Variants in SIDT2 observed in about 807,000 individuals in gnomAD.
SIDT2 encodes SID1 transmembrane family, member 2.
A neutral mutation model predicts 114.4 loss-of-function variants in SIDT2; 68 were observed. That is an observed-to-expected ratio of 0.59 (90% CI 0.49 to 0.73). The LOEUF is 0.73. Among genes scored for constraint, SIDT2 ranks in the 30% least tolerant of loss-of-function variants. The pLI, the probability that SIDT2 is intolerant of heterozygous loss-of-function variation, is 0.00. For missense variants in SIDT2, 918 were observed against 1,097.1 expected, an observed-to-expected ratio of 0.84 and a Z score of 2.31; for synonymous variants, 470 against 438.4, an observed-to-expected ratio of 1.07 and a Z score of -0.90.
At chr11:117,187,000 TGGTAAGCTCCA>T in intron 10 of SIDT2, 2 of 1,445,610 alleles carry the variant, frequency 1.4e-6, no homozygotes, top group Non-Finnish European at 1.8e-6. Flanking sequence ...CTTCTCTCCT[TGGTAAGCTCCA>T]GGTGCTGTGG....
chr11:117,188,216 AG>A lies in SIDT2; in HGVS notation c.1160-489del, dbSNP rs746123783. The A allele has an allele frequency of 3.7e-5, 13 of 348,786 alleles. No individual in the cohort carries two copies. Among genetic ancestry groups the A allele is most frequent in the Admixed American group, 8.0e-5 (2 of 24,992 alleles). 21.6% of individuals were successfully genotyped at this position (348,786 alleles called of 1,614,324 possible). A position where few individuals can be genotyped will look rare whatever the true frequency, so the allele number is the denominator to read the frequency against. On this transcript the variant is annotated intron_variant, in intron 12 of 25. Coordinates refer to ENST00000324225, the MANE Select transcript of SIDT2 (RefSeq NM_001040455.2). The surrounding 1 kb of genome is among the most constrained non-coding windows in gnomAD (Gnocchi z 4.0). ...CCCTCACTCCCTGGCCTGCTTGGGG[AG>A]GGCTCACAGGCATGGGGGTCACATT... is the stretch of plus-strand genomic sequence containing the variant.
In SIDT2 at chr11:117,181,800, G is replaced by T; in HGVS notation, c.306-7G>T. On this transcript the variant is annotated splice_region_variant and splice_polypyrimidine_tract_variant and intron_variant, in intron 2 of 25. Coordinates refer to ENST00000324225, the MANE Select transcript of SIDT2 (RefSeq NM_001040455.2). ...CTCACATCCTATCTCCCTGCTTCGG[G>T]CCATAGGTTTCAGCGCAAGTACCTC... 1 of 1,614,148 alleles carries T rather than the reference G, an allele frequency of 6.2e-7. No homozygotes were observed. Among genetic ancestry groups the T allele is most frequent in the Non-Finnish European group, 8.5e-7 (1 of 1,180,014 alleles).
intron 24 of SIDT2, among the ~76,000 whole-genome samples, chr11:117,195,182 G>T (rs1364127767): frequency 6.6e-6 from 1 of 150,474 alleles, no homozygotes; most frequent in African/African-American, 2.4e-5. Flanking sequence ...TACAGGGGCA[G>T]ATTTGGAGGT....
At chr11:117,183,758 T>C (rs781349344) in intron 6 of SIDT2, 21 bp from the exon 7 acceptor site, 13 of 1,520,324 alleles carry the variant, frequency 8.6e-6, no homozygotes, top group East Asian at 4.5e-5. Flanking sequence ...GAAGAAGATA[T>C]TTATCATCAT....
In SIDT2 at chr11:117,192,173, G is replaced by A. The variant is rs1392142077; in HGVS notation, c.1873-81G>A. Reference sequence around the variant, plus strand: ...CCTCTCAGAGTCCCAGCCTGGCTGAGCAGCCAGCCCCAGGAAGGGTGGGCC... The same window carrying A: ...CCTCTCAGAGTCCCAGCCTGGCTGAACAGCCAGCCCCAGGAAGGGTGGGCC... On this transcript the variant is annotated intron_variant, in intron 19 of 25. Transcript: ENST00000324225. The surrounding 1 kb of genome is among the most constrained non-coding windows in gnomAD (Gnocchi z 5.9). 2.0e-6 allele frequency: 3 copies of A among 1,491,260 alleles called. No individual in the cohort carries two copies. Among genetic ancestry groups the A allele is most frequent in the Non-Finnish European group, 2.8e-6 (3 of 1,074,726 alleles). The allele number at this position is 1,491,260 out of a possible 1,614,324, so 92.4% of individuals were successfully genotyped here. A position where few individuals can be genotyped will look rare whatever the true frequency, so the allele number is the denominator to read the frequency against.
At position 117,191,076 on chromosome 11, in the gene SIDT2, G is replaced by A. The variant is rs576257084; in HGVS notation, c.1735+336G>A. 32 of 179,116 alleles carry A rather than the reference G, an allele frequency of 1.8e-4. 1 individual carries two copies. Among genetic ancestry groups the A allele is most frequent in the Admixed American group, 1.7e-3 (29 of 17,028 alleles). The allele number at this position is 179,116 out of a possible 1,614,324, so 11.1% of individuals were successfully genotyped here. ...ATGGATCACGAGGTCAGGAGCTCCA[G>A]ACCATCCTGGCTAACATGGTGAAAC... On this transcript the variant is annotated intron_variant, in intron 18 of 25. Transcript: ENST00000324225.
At position 117,196,262 on chromosome 11, in the gene SIDT2, C is replaced by T. The variant is rs1179420992; in HGVS notation, c.*196C>T. On this transcript the variant is annotated 3_prime_UTR_variant, in exon 26 of 26. Transcript: ENST00000324225. The surrounding 1 kb of genome is among the most constrained non-coding windows in gnomAD (Gnocchi z 4.9). ...ATGGAACCTTGCAGCTGCCCTCTGC[C>T]GAGGAGCAGGCCTGCTCCCCTGGAA... 28 of 693,784 alleles carry T rather than the reference C, an allele frequency of 4.0e-5. No individual in the cohort carries two copies. Among genetic ancestry groups the T allele is most frequent in the South Asian group, 3.6e-4 (19 of 53,082 alleles). 43.0% of individuals were successfully genotyped at this position (693,784 alleles called of 1,614,324 possible). A position where few individuals can be genotyped will look rare whatever the true frequency, so the allele number is the denominator to read the frequency against.
intron 23 of SIDT2, 147 bp downstream of exon 23, chr11:117,193,405 C>A: frequency 1.4e-6 from 1 of 731,468 alleles, no homozygotes. Context: ...CTTGCATGGG[C>A]CCCTGGGAGC....
chr11:117,186,336 G>A (rs1473380387), intron 9 of SIDT2, 113 bp downstream of exon 9: 2 of 955,012 alleles, frequency 2.1e-6, no homozygotes, highest in Non-Finnish European at 3.3e-6. Flanking sequence ...ATCCATAGCA[G>A]ATGATGGTGG....
chr11:117,189,464 C>A, intron 15 of SIDT2, 63 bp downstream of exon 15: 1 of 1,551,968 alleles, frequency 6.4e-7, no homozygotes, highest in African/African-American at 1.4e-5. Flanking sequence ...AGTGCAGAGC[C>A]TCCCAGCCTG....
intron 8 of SIDT2, 173 bp from the exon 9 acceptor site, chr11:117,185,957 T>C (rs1330495663): frequency 1.4e-5 from 8 of 552,098 alleles, no homozygotes; most frequent in Non-Finnish European, 2.6e-5. Context: ...TGTCAGAGTT[T>C]GGTGTATTAG....
Position 117,182,081 on chromosome 11 carries a change from C to A in SIDT2, c.492C>A (p.Phe164Leu). 3 of 1,614,088 alleles carry A rather than the reference C, an allele frequency of 1.9e-6. No homozygotes were observed. The highest frequency in any genetic ancestry group is 1.7e-6 in the Non-Finnish European group (2 of 1,180,032). ...GCAGGACTGGGGAGCAGTTCAGCTT[C>A]AATACCACAGCAGCACAGCCCCAGG... ...FVLRTGEQFS[F>L]NTTAAQPQYF... Residue 164 changes from phenylalanine (F) to leucine (L), a missense_variant, in exon 4 of 26, where the codon TTC becomes TTA. Transcript: ENST00000324225.
chr11:117,190,564 CCCTTCTTCCCTTCCTGCCTCACTT>C lies in SIDT2; in HGVS notation c.1618-55_1618-32del. The C allele has an allele frequency of 7.2e-7, 1 of 1,396,374 alleles. No homozygotes were observed. 86.5% of individuals were successfully genotyped at this position (1,396,374 alleles called of 1,614,324 possible). A position where few individuals can be genotyped will look rare whatever the true frequency, so the allele number is the denominator to read the frequency against. On this transcript the variant is annotated intron_variant, in intron 17 of 25. Coordinates refer to ENST00000324225, the MANE Select transcript of SIDT2 (RefSeq NM_001040455.2). This position sits in a 1 kb window ranked among gnomAD's most constrained non-coding sequence, Gnocchi z 4.1. ...TCCTCTTAGGGTCCCTCTTTTGGGT[CCCTTCTTCCCTTCCTGCCTCACTT>C]CCTCCCTCCCTTCCCTTCTCTCTCT...
intron 2 of SIDT2, 74 bp downstream of exon 2, chr11:117,181,611 C>T: frequency 2.5e-6 from 4 of 1,603,324 alleles, no homozygotes; most frequent in African/African-American, 1.3e-5. Context: ...ACCAGGAGCC[C>T]CCCCATTTCT....
chr11:117,194,076 C>T lies in SIDT2; in HGVS notation c.2322+113C>T. On this transcript the variant is annotated intron_variant, in intron 24 of 25. Transcript: ENST00000324225. Reference sequence around the variant, plus strand: ...ATCCCAGCACTTTGGGAAGCTGAGGCAGGAGGATCACTTGAGGCGTTCAAG... The same window carrying T: ...ATCCCAGCACTTTGGGAAGCTGAGGTAGGAGGATCACTTGAGGCGTTCAAG... 8 of 796,526 alleles carry T rather than the reference C, an allele frequency of 1.0e-5. No homozygotes were observed. In the South Asian group the frequency reaches 1.3e-4, roughly 13 times the overall value. The allele number at this position is 796,526 out of a possible 1,614,324, so 49.3% of individuals were successfully genotyped here.
chr11:117,191,882 A>T lies in SIDT2; in HGVS notation c.1740A>T (p.Thr580=), dbSNP rs142078452. ...CTTCCGTGTCCCTCATCCTAGACACATCGTTCATGTACATGATCGCCGGAC... is the reference window on the plus strand; with the variant it reads ...CTTCCGTGTCCCTCATCCTAGACACTTCGTTCATGTACATGATCGCCGGAC... ...CPNYTNFQFD[T]SFMYMIAGLC... The change falls in exon 19 of 26, where the codon ACA becomes ACT. Residue 580 remains threonine (T), a synonymous_variant. Coordinates refer to ENST00000324225, the MANE Select transcript of SIDT2 (RefSeq NM_001040455.2). 2.1e-5 allele frequency: 34 copies of T among 1,613,998 alleles called. No homozygotes were observed. The highest frequency in any genetic ancestry group is 2.8e-5 in the Non-Finnish European group (33 of 1,180,026).
intron 8 of SIDT2, 126 bp from the exon 9 acceptor site, chr11:117,186,004 C>G: frequency 1.4e-6 from 1 of 734,988 alleles, no homozygotes; most frequent in Middle Eastern, 3.1e-4. Context: ...TAGGCAGGGC[C>G]TTACATTTGA....
intron 18 of SIDT2, 28 bp from the exon 19 acceptor site, chr11:117,191,850 C>G (rs778106910): frequency 1.3e-5 from 21 of 1,609,288 alleles, no homozygotes; most frequent in Non-Finnish European, 5.9e-6. Flanking sequence ...GCCATTTCTG[C>G]AGCTCCCTTC....
intron 4 of SIDT2, 122 bp from the exon 5 acceptor site, chr11:117,182,397 G>A: frequency 1.2e-6 from 1 of 861,098 alleles, no homozygotes; most frequent in East Asian, 2.5e-5. Context: ...TCCTCGGAGA[G>A]CCTCCACTGC....
Sources: allele counts gnomAD v4.1 joint callset (sites outside exome capture counted in the v4.1 genomes callset), GRCh38; gene constraint gnomAD v4.1.1; non-coding constraint Gnocchi (gnomAD v3.1); transcripts MANE v1.5; gene names NCBI Gene and HGNC (gene_info 2026-07-23, HGNC 2026-07-21).